ROCK2: variants seen among roughly 807,000 people sequenced by gnomAD.
ROCK2 encodes rho-associated protein kinase 2.
ROCK2 carries 61 observed loss-of-function variants against 195.1 expected under a neutral mutation model. The observed-to-expected ratio is 0.31, with a 90% confidence interval of 0.25 to 0.39. ROCK2 has a LOEUF of 0.39. ROCK2 is among the 10% of genes least tolerant of loss of function. The pLI, the probability that ROCK2 is intolerant of heterozygous loss-of-function variation, is 1.00. For synonymous variants in ROCK2, 504 were observed against 545.5 expected, an observed-to-expected ratio of 0.92 and a Z score of 1.06; for missense variants, 1,109 against 1,637.4, an observed-to-expected ratio of 0.68 and a Z score of 5.57.
intron 4 of ROCK2, among the ~76,000 whole-genome samples, chr2:11,243,257 G>A (rs1443467336): frequency 6.6e-6 from 1 of 152,190 alleles, no homozygotes; most frequent in African/African-American, 2.4e-5. Flanking sequence ...AATCAGTAAT[G>A]TATCAATGTT....
At chr2:11,194,920 A>G in intron 28 of ROCK2, 35 bp downstream of exon 28, 1 of 1,314,716 alleles carries the variant, frequency 7.6e-7, no homozygotes, top group Non-Finnish European at 1.1e-6. Context: ...AACAAAAACA[A>G]AAACAAAAGG....
At chr2:11,196,667 G>A (rs1663648287) in intron 27 of ROCK2, among the ~76,000 whole-genome samples, 1 of 152,168 alleles carries the variant, frequency 6.6e-6, no homozygotes, top group Non-Finnish European at 1.5e-5. Context: ...CCAAAGATGA[G>A]AAGATTTTCA....
At chr2:11,327,898 G>C (rs967664778) in intron 1 of ROCK2, among the ~76,000 whole-genome samples, 1 of 152,134 alleles carries the variant, frequency 6.6e-6, no homozygotes, top group East Asian at 1.9e-4. Flanking sequence ...TGTTACTTTT[G>C]TAATTTAAAA....
intron 32 of ROCK2, among the ~76,000 whole-genome samples, chr2:11,186,687 C>G (rs1663212327): frequency 6.6e-6 from 1 of 152,180 alleles, no homozygotes; most frequent in Admixed American, 6.5e-5. Context: ...AGTGTCACAT[C>G]ATCTTTTACC....
intron 1 of ROCK2, among the ~76,000 whole-genome samples, chr2:11,294,582 C>T (rs1281416941): frequency 2.6e-5 from 4 of 151,996 alleles, no homozygotes; most frequent in Non-Finnish European, 5.9e-5. Flanking sequence ...GGGCCCAATG[C>T]TGCTTTGAAT....
chr2:11,318,724 TA>T (rs1307769056), intron 1 of ROCK2, among the ~76,000 whole-genome samples: 2 of 152,246 alleles, frequency 1.3e-5, no homozygotes, highest in African/African-American at 4.8e-5. Context: ...CTAGGGTTTT[TA>T]CGGTTTTAAA....
At chr2:11,259,904 T>C (rs1204146645) in intron 3 of ROCK2, among the ~76,000 whole-genome samples, 1 of 151,428 alleles carries the variant, frequency 6.6e-6, no homozygotes, top group Non-Finnish European at 1.5e-5. Context: ...GGAGTAACAA[T>C]TCCTTTGATT....
At chr2:11,278,346 T>C (rs1666895856) in intron 3 of ROCK2, among the ~76,000 whole-genome samples, 1 of 152,236 alleles carries the variant, frequency 6.6e-6, no homozygotes, top group African/African-American at 2.4e-5. Flanking sequence ...TTTCACTTAA[T>C]ACAAGATCCT....
At chr2:11,216,978 T>TC (rs1242541158) in intron 12 of ROCK2, 112 bp downstream of exon 12, 9 of 549,048 alleles carry the variant, frequency 1.6e-5, no homozygotes, top group Non-Finnish European at 2.9e-5. Flanking sequence ...CACCTCGGCC[T>TC]CCCAAAGTGC....
At chr2:11,322,573 C>T (rs1300123828) in intron 1 of ROCK2, among the ~76,000 whole-genome samples, 2 of 152,044 alleles carry the variant, frequency 1.3e-5, no homozygotes, top group African/African-American at 4.8e-5. Context: ...TGTTTGTTAT[C>T]TGCTGCTCAA....
chr2:11,314,388 C>G (rs1668128600), intron 1 of ROCK2, among the ~76,000 whole-genome samples: 1 of 151,868 alleles, frequency 6.6e-6, no homozygotes, highest in Non-Finnish European at 1.5e-5. Context: ...CACTAAAACA[C>G]AGTACTGTTA....
chr2:11,191,498 T>G (rs1663422744), intron 32 of ROCK2, among the ~76,000 whole-genome samples: 4 of 152,200 alleles, frequency 2.6e-5, no homozygotes, highest in Admixed American at 2.6e-4. Flanking sequence ...ATTTATAGAT[T>G]TGATTTAAAA....
At chr2:11,223,120 A>G (rs1664693200) in intron 7 of ROCK2, among the ~76,000 whole-genome samples, 1 of 152,136 alleles carries the variant, frequency 6.6e-6, no homozygotes, top group African/African-American at 2.4e-5. Flanking sequence ...TTCTTTTCAA[A>G]GATAACATCT....
chr2:11,268,755 A>C (rs2148160918), intron 3 of ROCK2, among the ~76,000 whole-genome samples: 1 of 152,276 alleles, frequency 6.6e-6, no homozygotes, highest in African/African-American at 2.4e-5. Context: ...TTCTCATTGT[A>C]GATTTCCTTG....
At chr2:11,217,275 T>C (rs769158003) in intron 11 of ROCK2, 106 bp from the exon 12 acceptor site, 3 of 744,356 alleles carry the variant, frequency 4.0e-6, no homozygotes, top group African/African-American at 1.7e-5. Context: ...CTAAACATAA[T>C]GTCCTCTATA....
At chr2:11,267,332 C>G (rs569064046) in intron 3 of ROCK2, among the ~76,000 whole-genome samples, 1 of 152,256 alleles carries the variant, frequency 6.6e-6, no homozygotes, top group African/African-American at 2.4e-5. Flanking sequence ...GAAAGACTCA[C>G]GCCTGTGGTC....
At chr2:11,322,988 G>C (rs367731408) in intron 1 of ROCK2, among the ~76,000 whole-genome samples, 3 of 152,194 alleles carry the variant, frequency 2.0e-5, no homozygotes, top group African/African-American at 7.2e-5. Flanking sequence ...ATCCAAAGCA[G>C]TGCTCTTTTG....
chr2:11,312,565 G>T (rs1668070277), intron 1 of ROCK2, among the ~76,000 whole-genome samples: 1 of 151,996 alleles, frequency 6.6e-6, no homozygotes, highest in Non-Finnish European at 1.5e-5. Context: ...TATTGGACTG[G>T]TTCTTTCATT....
At chr2:11,184,817 T>C (rs1268384678) in intron 32 of ROCK2, 6 of 910,550 alleles carry the variant, frequency 6.6e-6, no homozygotes, top group Non-Finnish European at 7.9e-6. Flanking sequence ...CTTTAGAAAC[T>C]GTAACTTAAT....
Sources: gnomAD v4.1 joint callset for allele counts (sites outside exome capture counted in the v4.1 genomes callset) on GRCh38, gnomAD v4.1.1 for gene constraint, MANE v1.5 for transcripts, NCBI Gene and HGNC (gene_info 2026-07-23, HGNC 2026-07-21) for gene names.